The following ADGB variants were observed in gnomAD, a reference collection of about 807,000 sequenced individuals.
ADGB encodes the protein calpain-7-like protein.
Under a neutral mutation model 210.5 loss-of-function variants are expected in ADGB, and 172 were observed. That is an observed-to-expected ratio of 0.82 (90% CI 0.72 to 0.93). The LOEUF (loss-of-function observed/expected upper bound fraction) is 0.93, where lower values mean the gene tolerates loss of function less well. Among genes scored for constraint, ADGB ranks in the 40% least tolerant of loss-of-function variants. The pLI is 0.00. For missense variants in ADGB, 2,025 were observed against 1,964.8 expected (o/e 1.03, Z -0.58); for synonymous variants, 658 against 662.7 (o/e 0.99, Z 0.11).
chr6:146,636,493 T>C (rs886664071), intron 2 of ADGB, among the ~76,000 whole-genome samples: 5 of 152,200 alleles, frequency 3.3e-5, no homozygotes, highest in African/African-American at 1.2e-4. Flanking sequence ...AAAATGATTA[T>C]GGAACTTCTA....
rs148090386 is a variant in ADGB, at chr6:146,652,393, G to A, written c.331-1742G>A. On this transcript the variant is annotated intron_variant, in intron 3 of 35. Coordinates refer to ENST00000397944, the MANE Select transcript of ADGB (RefSeq NM_024694.4). ...CTGCAGAGTCAATTCAAGCCTTTAA[G>A]GTAGTTTTAGGTAAATTTTTCTCTA... Among the ~76,000 whole-genome samples, 1,096 of 152,190 alleles carry A rather than the reference G, an allele frequency of 7.2e-3. 10 individuals are homozygous for A. Among genetic ancestry groups the A allele is most frequent in the Middle Eastern group, 0.027 (8 of 292 alleles).
intron 32 of ADGB, among the ~76,000 whole-genome samples, chr6:146,785,956 G>C (rs1466498766): frequency 1.3e-5 from 2 of 151,942 alleles, no homozygotes; most frequent in Non-Finnish European, 2.9e-5. Context: ...TGTGCAAGGA[G>C]ATGTGATTTT....
chr6:146,796,994 A>C (rs1583643584), intron 33 of ADGB, among the ~76,000 whole-genome samples: 2 of 152,182 alleles, frequency 1.3e-5, no homozygotes, highest in Non-Finnish European at 2.9e-5. Context: ...CAAACAAATC[A>C]GCAAGAAAAA....
chr6:146,726,182 G>T lies in ADGB; in HGVS notation c.2337G>T (p.Leu779=), dbSNP rs370232201. The T allele has an allele frequency of 2.9e-5, 45 of 1,545,076 alleles. No individual in the cohort carries two copies. In the African/African-American group the frequency reaches 4.8e-4, roughly 16 times the overall value. The change falls in exon 19 of 36, where the codon CTG becomes CTT. Residue 779 remains leucine (L), a synonymous_variant. Coordinates refer to ENST00000397944, the MANE Select transcript of ADGB (RefSeq NM_024694.4). ...SFVIGDEHVV[L]PNFEPESCRF... is the part of the protein sequence containing the mutation. Reference sequence around the variant, plus strand: ...TCATTGGGGATGAACACGTTGTACTGCCCAACTTTGAACCAGTAAGTATTT... The same window carrying T: ...TCATTGGGGATGAACACGTTGTACTTCCCAACTTTGAACCAGTAAGTATTT...
At position 146,811,435 on chromosome 6, in the gene ADGB, G is replaced by A. The variant is rs1204857806; in HGVS notation, c.4819-3597G>A. ...TATATATACATGTATGTGTGTCTTT[G>A]TGTGTTTATATATATATATATTCAG... On this transcript the variant is annotated intron_variant, in intron 35 of 35. Transcript: ENST00000397944. Among the ~76,000 whole-genome samples the A allele has an allele frequency of 3.1e-5, 3 of 98,036 alleles. No homozygotes were observed. The East Asian group carries it at 1.4e-3, about 44-fold the overall frequency. The allele number at this position is 98,036 out of a possible 152,430, so 64.3% of individuals were successfully genotyped here. A position where few individuals can be genotyped will look rare whatever the true frequency, so the allele number is the denominator to read the frequency against.
chr6:146,803,254 C>T, intron 35 of ADGB: 1 of 1,582,558 alleles, frequency 6.3e-7, no homozygotes, highest in Admixed American at 1.7e-5. Flanking sequence ...ACCATTGTTT[C>T]ATGGTCCTGA....
rs1776753455 is a variant in ADGB, at chr6:146,717,543, T to C, written c.1936T>C (p.Tyr646His). The C allele has an allele frequency of 7.2e-7, 1 of 1,391,736 alleles. No homozygotes were observed. Among genetic ancestry groups the C allele is most frequent in the South Asian group, 1.3e-5 (1 of 75,046 alleles). 86.2% of individuals were successfully genotyped at this position (1,391,736 alleles called of 1,614,324 possible). The change falls in exon 16 of 36, where the codon TAT becomes CAT. Residue 646 changes from tyrosine to histidine, a missense_variant. Tyr to His is a moderately conservative substitution (Grantham distance 83). Coordinates refer to ENST00000397944, the MANE Select transcript of ADGB (RefSeq NM_024694.4). ...AAAATGTCTTTCTTTCAGAAATATA[T>C]ATATTTTCCACAAGCCAAGTTCATA... is the stretch of plus-strand genomic sequence containing the variant. ...EDFCVCFQNI[Y>H]IFHKPSSYCL...
intron 1 of ADGB, among the ~76,000 whole-genome samples, chr6:146,625,710 C>G (rs998625952): frequency 6.6e-6 from 1 of 152,080 alleles, no homozygotes; most frequent in African/African-American, 2.4e-5. Context: ...GTTAAAGCTT[C>G]CAGAAGCCAA....
intron 29 of ADGB, among the ~76,000 whole-genome samples, chr6:146,769,399 T>G (rs552782969): frequency 1.8e-4 from 28 of 152,284 alleles, no homozygotes; most frequent in African/African-American, 6.7e-4. Flanking sequence ...AATTACTAAT[T>G]GATTATACTT....
intron 27 of ADGB, among the ~76,000 whole-genome samples, chr6:146,755,881 C>G (rs900142840): frequency 2.0e-5 from 3 of 152,042 alleles, no homozygotes; most frequent in Non-Finnish European, 4.4e-5. Context: ...AAGCAAATTA[C>G]TAGAAATAAC....
chr6:146,647,486 A>G (rs376123839), intron 3 of ADGB, among the ~76,000 whole-genome samples: 1 of 152,196 alleles, frequency 6.6e-6, no homozygotes, highest in East Asian at 1.9e-4. Flanking sequence ...TTATGAGTAT[A>G]GTAGGGGAAT....
chr6:146,814,581 G>A (rs1164835015), intron 35 of ADGB, among the ~76,000 whole-genome samples: 2 of 152,154 alleles, frequency 1.3e-5, no homozygotes, highest in African/African-American at 4.8e-5. Flanking sequence ...AAGCTGACAA[G>A]AGCAAAGTAA....
At chr6:146,620,768 A>T (rs1780876705) in intron 1 of ADGB, among the ~76,000 whole-genome samples, 1 of 152,072 alleles carries the variant, frequency 6.6e-6, no homozygotes, top group Non-Finnish European at 1.5e-5. Context: ...TATTCTAAAT[A>T]CTCTGCCAGA....
chr6:146,704,225 T>C (rs1776535033), intron 13 of ADGB, among the ~76,000 whole-genome samples: 1 of 152,046 alleles, frequency 6.6e-6, no homozygotes, highest in Non-Finnish European at 1.5e-5. Context: ...ATCAGATGTA[T>C]GATTTACAAA....
At chr6:146,729,554 C>T (rs1367768563) in intron 20 of ADGB, among the ~76,000 whole-genome samples, 5 of 151,890 alleles carry the variant, frequency 3.3e-5, no homozygotes, top group African/African-American at 1.2e-4. Context: ...CCTGTCTTAC[C>T]CTCCCAAGAG....
chr6:146,789,024 A>T (rs1777919799), intron 33 of ADGB, among the ~76,000 whole-genome samples: 1 of 152,326 alleles, frequency 6.6e-6, no homozygotes, highest in Non-Finnish European at 1.5e-5. Flanking sequence ...AATGTTGAAA[A>T]AGAGCAATTT....
Position 146,784,704 on chromosome 6 carries a change from A to G in ADGB, c.4122A>G (p.Leu1374=). 1 of 1,551,498 alleles carries G rather than the reference A, an allele frequency of 6.4e-7. No homozygotes were observed. Among genetic ancestry groups the G allele is most frequent in the East Asian group, 2.4e-5 (1 of 40,904 alleles). The part of the protein sequence containing the change: ...RLVTEHNESE[L]FEVKKDTERA... The stretch of plus-strand genomic sequence containing the variant: ...TCACTGAACACAATGAATCAGAATT[A>G]TTTGAAGTGAAAAAGGATACAGAAA... Residue 1374 remains leucine (L), a synonymous_variant, in exon 31 of 36, where the codon TTA becomes TTG. Transcript: ENST00000397944.
intron 13 of ADGB, among the ~76,000 whole-genome samples, chr6:146,705,755 T>C (rs1440283102): frequency 2.0e-5 from 3 of 152,170 alleles, no homozygotes; most frequent in African/African-American, 7.2e-5. Context: ...ATAGTGTCCT[T>C]GTCTGGCTTT....
At chr6:146,782,338 T>C (rs924825821) in intron 30 of ADGB, 146 bp downstream of exon 30, 5 of 797,498 alleles carry the variant, frequency 6.3e-6, no homozygotes, top group African/African-American at 1.8e-5. Flanking sequence ...AGGACATTCC[T>C]TGGACACCTT....
Sources: allele counts gnomAD v4.1 joint callset (sites outside exome capture counted in the v4.1 genomes callset), GRCh38; gene constraint gnomAD v4.1.1; transcripts MANE v1.5; gene names NCBI Gene and HGNC (gene_info 2026-07-23, HGNC 2026-07-21).